NTRK3: variants seen among roughly 807,000 people sequenced by gnomAD.
NTRK3 encodes NT-3 growth factor receptor.
A neutral mutation model predicts 91.7 loss-of-function variants in NTRK3; 24 were observed. That is an observed-to-expected ratio of 0.26 (90% confidence interval 0.19 to 0.37). The LOEUF is 0.37. NTRK3 is among the 10% of genes least tolerant of loss of function. The pLI, the probability that NTRK3 is intolerant of heterozygous loss-of-function variation, is 1.00. For synonymous variants in NTRK3, 483 were observed against 404.0 expected (o/e 1.20, Z -2.34); for missense variants, 880 against 1,068.9 (o/e 0.82, Z 2.46).
chr15:88,061,297 G>T (rs975058004), intron 13 of NTRK3, among the ~76,000 whole-genome samples: 1 of 152,204 alleles, frequency 6.6e-6, no homozygotes, highest in Non-Finnish European at 1.5e-5. Context: ...GTACGGTCAA[G>T]TTTGAATGCT....
At chr15:88,060,260 T>A (rs2046092433) in intron 13 of NTRK3, among the ~76,000 whole-genome samples, 1 of 151,996 alleles carries the variant, frequency 6.6e-6, no homozygotes, top group African/African-American at 2.4e-5. Context: ...GGCAGTTGCC[T>A]GTAATCCCAG....
At chr15:87,875,645 G>A (rs1353239930) in exon 19 of NTRK3, 1 of 232,762 alleles carries the variant, frequency 4.3e-6, no homozygotes, top group Non-Finnish European at 8.5e-6. Context: ...CCAGGGGCTG[G>A]AAACGTGAGG....
intron 9 of NTRK3, among the ~76,000 whole-genome samples, chr15:88,135,605 C>A (rs1567496596): frequency 6.6e-6 from 1 of 152,182 alleles, no homozygotes; most frequent in Non-Finnish European, 1.5e-5. Flanking sequence ...CTGGAGGGCT[C>A]CCTCTTGGGA....
exon 19 of NTRK3, chr15:87,868,583 C>G: frequency 4.5e-6 from 1 of 220,442 alleles, no homozygotes; most frequent in East Asian, 6.6e-5. Flanking sequence ...TGCAACCATG[C>G]TGAGCAACTC....
intron 5 of NTRK3, among the ~76,000 whole-genome samples, chr15:88,171,332 C>T (rs1394192317): frequency 6.6e-6 from 1 of 152,258 alleles, no homozygotes; most frequent in East Asian, 1.9e-4. Context: ...CACTGATGAG[C>T]TGGCAAGGGT....
intron 14 of NTRK3, among the ~76,000 whole-genome samples, chr15:87,952,770 C>T (rs1052920553): frequency 4.6e-5 from 7 of 152,160 alleles, no homozygotes; most frequent in South Asian, 2.1e-4. Flanking sequence ...ACGCTGGGCC[C>T]CTTTCAAGGT....
intron 13 of NTRK3, among the ~76,000 whole-genome samples, chr15:88,083,161 A>G (rs1241150357): frequency 6.6e-6 from 1 of 151,888 alleles, no homozygotes; most frequent in African/African-American, 2.4e-5. Context: ...GAAGTTACCA[A>G]CCCTCCTCTC....
chr15:88,242,966 T>A (rs527395238), intron 3 of NTRK3, among the ~76,000 whole-genome samples: 1 of 152,286 alleles, frequency 6.6e-6, no homozygotes, highest in Non-Finnish European at 1.5e-5. Context: ...ACACCTGCCC[T>A]AGGGATGGGA....
intron 5 of NTRK3, among the ~76,000 whole-genome samples, chr15:88,175,846 C>G (rs1398279286): frequency 6.6e-6 from 1 of 152,148 alleles, no homozygotes; most frequent in African/African-American, 2.4e-5. Context: ...AAGCCAGAAT[C>G]GAATGTCAGG....
At chr15:88,147,531 T>TTCC in intron 5 of NTRK3, 128 bp from the exon 6 acceptor site, 1 of 641,942 alleles carries the variant, frequency 1.6e-6, no homozygotes, top group Non-Finnish European at 2.7e-6. Context: ...CTTCTTCTTC[T>TTCC]TCTTCTTCTT....
intron 14 of NTRK3, among the ~76,000 whole-genome samples, chr15:87,973,366 T>C (rs1321443245): frequency 4.6e-5 from 7 of 152,172 alleles, no homozygotes; most frequent in African/African-American, 1.7e-4. Context: ...AGAATCCTGA[T>C]GGAATTTCAG....
intron 14 of NTRK3, chr15:87,979,137 A>T: frequency 1.6e-6 from 1 of 617,870 alleles, no homozygotes; most frequent in Non-Finnish European, 2.9e-6. Flanking sequence ...GAGCACAGTG[A>T]TGATTGGAGG....
chr15:88,244,206 C>T (rs915640193), intron 3 of NTRK3, among the ~76,000 whole-genome samples: 1 of 152,128 alleles, frequency 6.6e-6, no homozygotes, highest in Non-Finnish European at 1.5e-5. Context: ...ATATTTCTCC[C>T]AGAAAGAGAT....
At chr15:88,228,004 C>A (rs2050832166) in intron 3 of NTRK3, among the ~76,000 whole-genome samples, 1 of 152,224 alleles carries the variant, frequency 6.6e-6, no homozygotes, top group Non-Finnish European at 1.5e-5. Context: ...CACTAACCTG[C>A]AGGCCTGGTT....
chr15:87,904,835 A>T (rs1330003076), intron 17 of NTRK3, among the ~76,000 whole-genome samples: 1 of 152,214 alleles, frequency 6.6e-6, no homozygotes, highest in African/African-American at 2.4e-5. Context: ...AGAAGAGAGA[A>T]GCCAACTGTG....
At position 87,918,827 on chromosome 15, in the gene NTRK3, G is replaced by A. The variant is rs2067644423; in HGVS notation, c.2133+10364C>T. Among the ~76,000 whole-genome samples, 4 of 152,178 alleles carry A rather than the reference G, an allele frequency of 2.6e-5. No individual in the cohort carries two copies. In the South Asian group the frequency reaches 6.2e-4, roughly 24 times the overall value. On this transcript the variant is annotated intron_variant, in intron 17 of 18. Coordinates refer to ENST00000394480, the Ensembl canonical transcript of NTRK3. ...CAACATGGACAGGGTTAGCAAATGT[G>A]CAAATGTGTTTGGAAACTAAGCATC... is the stretch of plus-strand genomic sequence containing the variant.
intron 5 of NTRK3, among the ~76,000 whole-genome samples, chr15:88,157,421 C>T (rs1482265392): frequency 1.3e-5 from 2 of 152,104 alleles, no homozygotes; most frequent in African/African-American, 4.8e-5. Context: ...CTTCAGGATC[C>T]CCGTCCCTTC....
exon 19 of NTRK3, chr15:87,871,271 G>A: frequency 4.3e-6 from 1 of 231,382 alleles, no homozygotes; most frequent in Non-Finnish European, 8.6e-6. Context: ...TGCTTGAGGA[G>A]AATGAGTCAT....
At chr15:87,936,729 T>A (rs2069318298) in intron 15 of NTRK3, among the ~76,000 whole-genome samples, 1 of 152,002 alleles carries the variant, frequency 6.6e-6, no homozygotes, top group South Asian at 2.1e-4. Flanking sequence ...CATTATAAAA[T>A]CATCTTTCTT....
Sources: gnomAD v4.1 joint callset for allele counts (sites outside exome capture counted in the v4.1 genomes callset) on GRCh38, gnomAD v4.1.1 for gene constraint, MANE v1.5 for transcripts, NCBI Gene and HGNC (gene_info 2026-07-23, HGNC 2026-07-21) for gene names.